Variants in ZNF81 observed in about 807,000 individuals in gnomAD.
The protein encoded by ZNF81 is zinc finger protein 81 (HFZ20).
ZNF81 carries 5 observed loss-of-function variants against 32.3 expected under a neutral mutation model. That is an observed-to-expected ratio of 0.15 (90% CI 0.08 to 0.33). The LOEUF is 0.33. ZNF81 is among the 10% of genes least tolerant of loss of function. The pLI is 1.00. For synonymous variants in ZNF81, 163 were observed against 166.8 expected (o/e 0.98, Z 0.17); for missense variants, 379 against 479.8 (o/e 0.79, Z 1.96).
chrX:47,905,331 A>G (rs1556889000), intron 4 of ZNF81, among the ~76,000 whole-genome samples: 1 of 104,129 alleles, frequency 9.6e-6, no homozygotes, highest in Non-Finnish European at 2.0e-5. Context: ...GAATCACTTG[A>G]ACCCAGGAGG....
intron 4 of ZNF81, among the ~76,000 whole-genome samples, chrX:47,900,673 A>C (rs150888131): frequency 9.0e-6 from 1 of 111,283 alleles, no homozygotes; most frequent in African/African-American, 3.3e-5. Context: ...TATTGTTCTG[A>C]AGAATGTCAG....
intron 2 of ZNF81, among the ~76,000 whole-genome samples, chrX:47,885,466 G>C (rs2058637857): frequency 8.9e-6 from 1 of 111,907 alleles, no homozygotes; most frequent in African/African-American, 3.3e-5. Flanking sequence ...ATCTGTTTTA[G>C]TTTGTTTGTC....
At chrX:47,867,546 T>A (rs781908363) in intron 2 of ZNF81, among the ~76,000 whole-genome samples, 126 of 112,030 alleles carry the variant, frequency 1.1e-3, no homozygotes, top group African/African-American at 3.9e-3. Flanking sequence ...CATCTAAAGA[T>A]CCAGCAAATC....
intron 2 of ZNF81, among the ~76,000 whole-genome samples, chrX:47,882,659 T>C (rs1448702852): frequency 5.3e-5 from 6 of 112,981 alleles, no homozygotes; most frequent in Admixed American, 9.4e-5. Context: ...ATGGAATTGC[T>C]AAATTATATG....
chrX:47,852,271 T>C (rs904043427), intron 2 of ZNF81, among the ~76,000 whole-genome samples: 13 of 112,188 alleles, frequency 1.2e-4, no homozygotes, highest in African/African-American at 4.2e-4. Flanking sequence ...TGTTGACCGA[T>C]CGGGGTGGTG....
In ZNF81 at chrX:47,921,755, A is replaced by G. The variant is rs1257835510; in HGVS notation, c.*5123A>G. ...GCTACATCATGAGATAGCCCTGTGG[A>G]AAGGTCCACATGAGTGAACTTTGAA... On this transcript the variant is annotated 3_prime_UTR_variant, in exon 5 of 5. Coordinates refer to ENST00000338637, the MANE Select transcript of ZNF81 (RefSeq NM_007137.5). The G allele has an allele frequency of 8.1e-5, 9 of 111,044 alleles. No individual in the cohort carries two copies. Among genetic ancestry groups the G allele is most frequent in the African/African-American group, 3.0e-4 (9 of 30,504 alleles). The allele number at this position is 111,044 out of a possible 1,213,427, so 9.2% of individuals were successfully genotyped here.
intron 2 of ZNF81, among the ~76,000 whole-genome samples, chrX:47,886,148 T>C (rs782117260): frequency 3.6e-5 from 4 of 112,596 alleles, no homozygotes; most frequent in Non-Finnish European, 7.5e-5. Context: ...TTTCTGCTAA[T>C]TCTAGCATCT....
intron 4 of ZNF81, among the ~76,000 whole-genome samples, chrX:47,905,253 A>AG (rs2148039242): frequency 9.4e-6 from 1 of 106,443 alleles, no homozygotes; most frequent in African/African-American, 3.4e-5. Context: ...AAAAAAAAAA[A>AG]TACAAAAATT....
chrX:47,884,744 A>G (rs1419606321), intron 2 of ZNF81, among the ~76,000 whole-genome samples: 6 of 111,851 alleles, frequency 5.4e-5, no homozygotes, highest in South Asian at 3.7e-4. Flanking sequence ...AGAGAGATCT[A>G]TGGGTGTACA....
rs2058752886 is a variant in ZNF81, at chrX:47,915,368, C to T, written c.722C>T (p.Thr241Ile). 3 of 1,209,971 alleles carry T rather than the reference C, an allele frequency of 2.5e-6. No homozygotes were observed. In the South Asian group the frequency reaches 5.3e-5, roughly 21 times the overall value. Residue 241 changes from threonine to isoleucine, a missense_variant, in exon 5 of 5, where the codon ACA (threonine) becomes ATA (isoleucine). Physicochemically the swap from Thr to Ile is moderately conservative, Grantham distance 89. Around this residue, in one of 2 missense-constraint regions of ZNF81, gnomAD observed 277 missense variants for 306.6 expected, o/e 0.90. Transcript: ENST00000338637. Reference sequence around the variant, plus strand: ...TATAGTCACCACGAAAATACACATACAGGAGTGAAGTTCTGTGAACGTAAT... The same window carrying T: ...TATAGTCACCACGAAAATACACATATAGGAGTGAAGTTCTGTGAACGTAAT... ...SSYSHHENTHTGVKFCERNQC... is the reference protein window; with the variant it reads ...SSYSHHENTHIGVKFCERNQC...
chrX:47,862,887 G>A, intron 2 of ZNF81, among the ~76,000 whole-genome samples: 1 of 111,671 alleles, frequency 9.0e-6, no homozygotes, highest in Non-Finnish European at 1.9e-5. Flanking sequence ...GTCCTAGTCA[G>A]CTGAACAGGG....
At chrX:47,861,441 C>T (rs1556882548) in intron 2 of ZNF81, among the ~76,000 whole-genome samples, 1 of 111,961 alleles carries the variant, frequency 8.9e-6, no homozygotes, top group Non-Finnish European at 1.9e-5. Flanking sequence ...CTCACATCTC[C>T]ACCTTGTTTC....
At chrX:47,909,815 G>A (rs1318841156) in intron 4 of ZNF81, among the ~76,000 whole-genome samples, 1 of 93,672 alleles carries the variant, frequency 1.1e-5, no homozygotes, top group Non-Finnish European at 2.1e-5. Flanking sequence ...GTGTCCATGT[G>A]TTCTCATTGT....
intron 4 of ZNF81, among the ~76,000 whole-genome samples, chrX:47,911,675 T>C (rs2058739857): frequency 9.0e-6 from 1 of 111,654 alleles, no homozygotes. Flanking sequence ...TGGCACCAAA[T>C]ATTTAAAAGT....
chrX:47,908,060 A>G (rs1252110624), intron 4 of ZNF81, among the ~76,000 whole-genome samples: 2 of 111,628 alleles, frequency 1.8e-5, no homozygotes, highest in African/African-American at 6.5e-5. Flanking sequence ...GAACTATATT[A>G]GAATAAAGAA....
intron 4 of ZNF81, among the ~76,000 whole-genome samples, chrX:47,902,771 T>G (rs1476347114): frequency 2.7e-5 from 3 of 111,864 alleles, no homozygotes; most frequent in Non-Finnish European, 3.8e-5. Context: ...TCAGAACTTG[T>G]GGGGCCGGGC....
At chrX:47,867,185 A>G (rs2058563332) in intron 2 of ZNF81, among the ~76,000 whole-genome samples, 2 of 111,697 alleles carry the variant, frequency 1.8e-5, no homozygotes, top group South Asian at 7.6e-4. Context: ...TGATAGGTGC[A>G]GCAAACCATC....
Position 47,888,139 on chromosome X carries a change from T to A in ZNF81, c.181+14T>A. ...TGCTCTCAGTGGGTAAGGACAACCA[T>A]CCTGTGAAGTTGTGAGGAGCCTGTT... On this transcript the variant is annotated intron_variant, in intron 3 of 4. Transcript: ENST00000338637. 1 of 1,205,080 alleles carries A rather than the reference T, an allele frequency of 8.3e-7. No homozygotes were observed. The highest frequency in any genetic ancestry group is 1.1e-6 in the Non-Finnish European group (1 of 891,868).
intron 2 of ZNF81, among the ~76,000 whole-genome samples, chrX:47,887,247 G>A (rs1184604651): frequency 9.0e-6 from 1 of 111,662 alleles, no homozygotes; most frequent in Non-Finnish European, 1.9e-5. Context: ...CTTAACATTA[G>A]GGGGTATAAA....
Sources: gnomAD v4.1 joint callset for allele counts (sites outside exome capture counted in the v4.1 genomes callset) on GRCh38, gnomAD v4.1.1 for gene constraint, gnomAD v4.1.1 regional missense constraint, MANE v1.5 for transcripts, NCBI Gene and HGNC (gene_info 2026-07-23, HGNC 2026-07-21) for gene names.